Variants in PTER observed in about 807,000 individuals in gnomAD.
PTER encodes the protein phosphotriesterase related.
PTER carries 38 observed loss-of-function variants against 29.6 expected under a neutral mutation model. The observed-to-expected ratio is 1.28, with a 90% CI of 0.99 to 1.68. The LOEUF (loss-of-function observed/expected upper bound fraction) is 1.68. PTER is among the 40% of genes most tolerant of loss of function. The pLI is 0.00. For synonymous variants in PTER, 172 were observed against 154.5 expected (o/e 1.11, Z -0.84); for missense variants, 482 against 427.8 (o/e 1.13, Z -1.12).
At chr10:16,503,577 C>T (rs1012713385) in intron 3 of PTER, among the ~76,000 whole-genome samples, 6 of 151,104 alleles carry the variant, frequency 4.0e-5, no homozygotes, top group Non-Finnish European at 7.4e-5. Context: ...GCTAATTTTT[C>T]GTATTTTTAG....
chr10:16,463,198 TAAAAAAAAAAAA>T (rs535136619), intron 1 of PTER, among the ~76,000 whole-genome samples: 8 of 79,362 alleles, frequency 1.0e-4, no homozygotes, highest in Non-Finnish European at 1.7e-4. Flanking sequence ...AGACTCTGTC[TAAAAAAAAAAAA>T]AAAAAAAAAA....
chr10:16,457,202 TTG>T (rs1834434635), intron 1 of PTER, among the ~76,000 whole-genome samples: 1 of 151,474 alleles, frequency 6.6e-6, no homozygotes. Context: ...GTTGTTTTGT[TTG>T]TTTGTTTGTT....
intron 3 of PTER, among the ~76,000 whole-genome samples, chr10:16,489,303 C>A (rs1252731209): frequency 6.6e-6 from 1 of 152,066 alleles, no homozygotes; most frequent in Non-Finnish European, 1.5e-5. Flanking sequence ...TAATTTTGAT[C>A]ATTTATGTTC....
chr10:16,515,859 G>A (rs953443823), downstream of PTER, among the ~76,000 whole-genome samples: 1 of 152,036 alleles, frequency 6.6e-6, no homozygotes, highest in Non-Finnish European at 1.5e-5. Context: ...TGATTTAGTG[G>A]TTTTGTAAAC....
intron 1 of PTER, among the ~76,000 whole-genome samples, chr10:16,469,151 G>T (rs1192914224): frequency 6.6e-6 from 1 of 152,140 alleles, no homozygotes; most frequent in Non-Finnish European, 1.5e-5. Context: ...AAGTTGGCCA[G>T]GACTGGGAAA....
chr10:16,493,132 A>G (rs542972019), intron 3 of PTER, among the ~76,000 whole-genome samples: 2 of 152,304 alleles, frequency 1.3e-5, no homozygotes, highest in African/African-American at 4.8e-5. Context: ...TTTAATTATA[A>G]TTATGGTGAT....
chr10:16,488,586 AAT>A (rs34128884), intron 3 of PTER, among the ~76,000 whole-genome samples: 8 of 145,880 alleles, frequency 5.5e-5, no homozygotes, highest in East Asian at 2.0e-4. Context: ...TACTAATTTA[AAT>A]ATATATATAT....
At chr10:16,454,612 A>G (rs1834327431) in intron 1 of PTER, among the ~76,000 whole-genome samples, 1 of 152,134 alleles carries the variant, frequency 6.6e-6, no homozygotes, top group Admixed American at 6.6e-5. Flanking sequence ...GAATTAGCCT[A>G]TTGAATCAGG....
intron 3 of PTER, among the ~76,000 whole-genome samples, chr10:16,490,653 T>G (rs1564403693): frequency 6.6e-6 from 1 of 151,224 alleles, no homozygotes; most frequent in East Asian, 1.9e-4. Context: ...TTCAATATAA[T>G]GTAGTATTTT....
intron 1 of PTER, among the ~76,000 whole-genome samples, chr10:16,467,945 T>C (rs1168562816): frequency 3.3e-5 from 5 of 152,220 alleles, no homozygotes; most frequent in Admixed American, 3.3e-4. Context: ...TGCTTTTTAA[T>C]AATTTTTAGC....
At chr10:16,460,915 C>A (rs943059252) in intron 1 of PTER, among the ~76,000 whole-genome samples, 2 of 152,142 alleles carry the variant, frequency 1.3e-5, no homozygotes, top group African/African-American at 4.8e-5. Flanking sequence ...CGGGGTTTCA[C>A]CATGTTGGCC....
At chr10:16,503,949 A>G (rs898115669) in intron 3 of PTER, among the ~76,000 whole-genome samples, 3 of 152,188 alleles carry the variant, frequency 2.0e-5, no homozygotes, top group Non-Finnish European at 4.4e-5. Flanking sequence ...CTCCACGCCA[A>G]TTTCCGATCC....
At chr10:16,457,196 TTTTGTTTGTTTG>T (rs140911123) in intron 1 of PTER, among the ~76,000 whole-genome samples, 4 of 151,412 alleles carry the variant, frequency 2.6e-5, no homozygotes, top group Non-Finnish European at 4.4e-5. Context: ...CCTTTAGTTG[TTTTGTTTGTTTG>T]TTTGTTTGTT....
chr10:16,456,593 T>G (rs1834402380), intron 1 of PTER, among the ~76,000 whole-genome samples: 1 of 152,178 alleles, frequency 6.6e-6, no homozygotes, highest in Non-Finnish European at 1.5e-5. Flanking sequence ...GCTCTGCTTG[T>G]TCTTCTCTTA....
intron 1 of PTER, among the ~76,000 whole-genome samples, chr10:16,439,004 T>G (rs1488635198): frequency 2.6e-5 from 4 of 151,960 alleles, no homozygotes; most frequent in African/African-American, 9.7e-5. Context: ...AAGATCCTGA[T>G]TTTACCATTT....
intron 3 of PTER, among the ~76,000 whole-genome samples, chr10:16,498,357 G>A (rs752750686): frequency 7.9e-5 from 12 of 152,202 alleles, no homozygotes; most frequent in Admixed American, 3.9e-4. Flanking sequence ...AGATCAGCTG[G>A]CGCATCAGCT....
At chr10:16,508,070 C>CTTTTTTTTTTTTTTTT (rs56800279) in intron 4 of PTER, among the ~76,000 whole-genome samples, 3 of 127,860 alleles carry the variant, frequency 2.3e-5, no homozygotes, top group African/African-American at 6.1e-5. Context: ...TTTTCTTTTT[C>CTTTTTTTTTTTTTTTT]TTTTTTTTTT....
intron 1 of PTER, among the ~76,000 whole-genome samples, chr10:16,483,934 C>T (rs1390387452): frequency 6.6e-6 from 1 of 152,060 alleles, no homozygotes; most frequent in African/African-American, 2.4e-5. Context: ...AGTACTGATA[C>T]ATGGTTAGTT....
chr10:16,460,690 A>G (rs1046778791), intron 1 of PTER, among the ~76,000 whole-genome samples: 3 of 152,196 alleles, frequency 2.0e-5, no homozygotes, highest in African/African-American at 7.2e-5. Flanking sequence ...TAAGAAATGT[A>G]TTAAAATTAT....
Sources: allele counts gnomAD v4.1 joint callset (sites outside exome capture counted in the v4.1 genomes callset), GRCh38; gene constraint gnomAD v4.1.1; transcripts MANE v1.5; gene names NCBI Gene and HGNC (gene_info 2026-07-23, HGNC 2026-07-21).